CFAP69: variants seen among roughly 807,000 people sequenced by gnomAD.
The protein encoded by CFAP69 is cilia and flagella associated protein 69.
Under a neutral mutation model 123.0 loss-of-function variants are expected in CFAP69, and 92 were observed. That is an observed-to-expected ratio of 0.75 (90% CI 0.63 to 0.89). The LOEUF is 0.89. CFAP69 is among the 40% of genes least tolerant of loss of function. The probability of loss-of-function intolerance (pLI) is 0.00; values close to 1 mark genes in which losing one functional copy is unlikely to be tolerated. For synonymous variants in CFAP69, 380 were observed against 364.3 expected, an observed-to-expected ratio of 1.04 and a Z score of -0.49; for missense variants, 1,067 against 1,096.9, an observed-to-expected ratio of 0.97 and a Z score of 0.39.
intron 1 of CFAP69, among the ~76,000 whole-genome samples, chr7:90,249,916 T>G (rs1018728340): frequency 6.6e-6 from 1 of 152,178 alleles, no homozygotes; most frequent in Non-Finnish European, 1.5e-5. Context: ...ACTTCCTTGC[T>G]CAAATTTGCT....
chr7:90,250,055 A>T (rs2116538726), intron 1 of CFAP69, among the ~76,000 whole-genome samples: 1 of 152,272 alleles, frequency 6.6e-6, no homozygotes, highest in South Asian at 2.1e-4. Flanking sequence ...TTTTGCAAGA[A>T]ATAACCTCTG....
chr7:90,319,280 GA>G, the CFAP69 span: 3 of 397,586 alleles, frequency 7.5e-6, no homozygotes, highest in Non-Finnish European at 8.9e-6. Flanking sequence ...TGGATAACTT[GA>G]AAAAAATCAG....
At chr7:90,260,712 A>G (rs1798205285) in intron 3 of CFAP69, among the ~76,000 whole-genome samples, 1 of 152,048 alleles carries the variant, frequency 6.6e-6, no homozygotes, top group Admixed American at 6.5e-5. Context: ...ATCAAGCCCT[A>G]TTTACTGGTA....
the CFAP69 span, chr7:90,319,067 G>T: frequency 3.9e-6 from 1 of 254,880 alleles, no homozygotes; most frequent in Non-Finnish European, 7.3e-6. Context: ...ATAATTACAG[G>T]GTTAAATGGC....
intron 6 of CFAP69, chr7:90,269,039 A>G (rs1008127132): frequency 2.6e-5 from 4 of 151,970 alleles, no homozygotes. Context: ...AAGATTATTT[A>G]AGACTAAGGA....
chr7:90,252,261 A>T (rs1159941264), intron 1 of CFAP69, among the ~76,000 whole-genome samples: 3 of 152,082 alleles, frequency 2.0e-5, no homozygotes, highest in African/African-American at 4.8e-5. Flanking sequence ...ATTTACCAAA[A>T]TTTTTTGTAA....
chr7:90,272,577 A>G (rs1385202637), intron 8 of CFAP69, among the ~76,000 whole-genome samples: 1 of 152,166 alleles, frequency 6.6e-6, no homozygotes, highest in African/African-American at 2.4e-5. Flanking sequence ...AAGTGACTAA[A>G]AACCCAAATG....
chr7:90,305,805 C>A lies in CFAP69; in HGVS notation c.2265+985C>A, dbSNP rs746095361. Reference sequence around the variant, plus strand: ...GATTAAAAGATAGTAGGTTACTTACCTTGCTAGTTATATTTGTCAGTAAAT... The same window carrying A: ...GATTAAAAGATAGTAGGTTACTTACATTGCTAGTTATATTTGTCAGTAAAT... On this transcript the variant is annotated intron_variant, in intron 19 of 22. Coordinates refer to ENST00000389297, the MANE Select transcript of CFAP69 (RefSeq NM_001039706.3). Among the ~76,000 whole-genome samples the A allele has an allele frequency of 6.4e-4, 97 of 151,412 alleles. 1 individual carries two copies. The highest frequency in any genetic ancestry group is 4.2e-4 in the South Asian group (2 of 4,798).
chr7:90,245,213 A>C lies in CFAP69; in HGVS notation c.-212A>C. ...TTGTGTTAACAACCGGCCCGGGATC[A>C]GAGGTCTGGGTCAACTGGGGGGCGG... On this transcript the variant is annotated 5_prime_UTR_variant, in exon 1 of 23. Coordinates refer to ENST00000389297, the MANE Select transcript of CFAP69 (RefSeq NM_001039706.3). 2.0e-6 allele frequency: 1 copy of C among 506,002 alleles called. No individual in the cohort carries two copies. The highest frequency in any genetic ancestry group is 5.0e-5 in the South Asian group (1 of 19,980). The allele number at this position is 506,002 out of a possible 1,614,324, so 31.3% of individuals were successfully genotyped here. A position where few individuals can be genotyped will look rare whatever the true frequency, so the allele number is the denominator to read the frequency against.
intron 1 of CFAP69, among the ~76,000 whole-genome samples, chr7:90,249,711 A>G (rs1796740709): frequency 6.6e-6 from 1 of 152,144 alleles, no homozygotes. Flanking sequence ...CTCAAATTTT[A>G]ATGTGCATAT....
At chr7:90,252,561 T>C (rs11761876) in intron 1 of CFAP69, among the ~76,000 whole-genome samples, 25,231 of 151,940 alleles carry the variant, frequency 0.17, 2,251 homozygotes, top group Middle Eastern at 0.19. Flanking sequence ...TCCCAGCTGC[T>C]CAGGAGGCTG....
rs547279623 is a variant in CFAP69, at chr7:90,305,113, C to T, written c.2265+293C>T. Reference sequence around the variant, plus strand: ...ATCCCAGCACTTTGGGAGGCCAAGGCAGGTGGATAACGAGGTCAGGAGATC... The same window carrying T: ...ATCCCAGCACTTTGGGAGGCCAAGGTAGGTGGATAACGAGGTCAGGAGATC... On this transcript the variant is annotated intron_variant, in intron 19 of 22. Coordinates refer to ENST00000389297, the MANE Select transcript of CFAP69 (RefSeq NM_001039706.3). Among the ~76,000 whole-genome samples, 287 of 152,068 alleles carry T rather than the reference C, an allele frequency of 1.9e-3. 1 individual carries two copies. The highest frequency in any genetic ancestry group is 6.6e-3 in the African/African-American group (272 of 41,520).
intron 17 of CFAP69, 138 bp downstream of exon 17, chr7:90,300,197 T>G: frequency 8.4e-7 from 1 of 1,183,998 alleles, no homozygotes; most frequent in Non-Finnish European, 1.1e-6. Context: ...GTTTGAAAAA[T>G]TTGCTATCCT....
chr7:90,296,248 G>A (rs978084791), intron 15 of CFAP69, among the ~76,000 whole-genome samples: 2 of 152,074 alleles, frequency 1.3e-5, no homozygotes, highest in East Asian at 1.9e-4. Flanking sequence ...TGTCGACAAG[G>A]CCTGTAAATA....
At chr7:90,272,521 G>T (rs1304918443) in intron 8 of CFAP69, among the ~76,000 whole-genome samples, 4 of 152,122 alleles carry the variant, frequency 2.6e-5, no homozygotes, top group African/African-American at 9.7e-5. Context: ...ATTGTAAGAT[G>T]CTACATGTTC....
intron 3 of CFAP69, among the ~76,000 whole-genome samples, chr7:90,260,561 A>G (rs1005347311): frequency 1.6e-4 from 24 of 152,142 alleles, no homozygotes; most frequent in African/African-American, 5.5e-4. Context: ...AAAGTTATCA[A>G]GCTCTAATAT....
chr7:90,277,155 T>C, intron 10 of CFAP69, 34 bp downstream of exon 10: 1 of 1,575,322 alleles, frequency 6.3e-7, no homozygotes, highest in Non-Finnish European at 8.6e-7. Context: ...TTCTTATAAT[T>C]ATCTTGATAA....
At position 90,306,985 on chromosome 7, in the gene CFAP69, G is replaced by A. The variant is rs756888075; in HGVS notation, c.2350G>A (p.Ala784Thr). The part of the protein sequence containing the change: ...PVTTDKKALE[A>T]ITTASENIGK... ...CACTACAGATAAAAAAGCTTTGGAA[G>A]CTATTACAACAGCATCAGAAAATAT... The change falls in exon 20 of 23, where the codon GCT becomes ACT. Residue 784 changes from alanine (A) to threonine (T), a missense_variant. Coordinates refer to ENST00000389297, the MANE Select transcript of CFAP69 (RefSeq NM_001039706.3). 1 of 1,608,478 alleles carries A rather than the reference G, an allele frequency of 6.2e-7. No homozygotes were observed. The highest frequency in any genetic ancestry group is 8.5e-7 in the Non-Finnish European group (1 of 1,175,980).
At chr7:90,266,902 G>C (rs988897088) in intron 5 of CFAP69, among the ~76,000 whole-genome samples, 1 of 152,072 alleles carries the variant, frequency 6.6e-6, no homozygotes, top group Admixed American at 6.6e-5. Context: ...AGATATTTCT[G>C]ACTCAGAGGC....
Sources: allele counts gnomAD v4.1 joint callset (sites outside exome capture counted in the v4.1 genomes callset), GRCh38; gene constraint gnomAD v4.1.1; transcripts MANE v1.5; gene names NCBI Gene and HGNC (gene_info 2026-07-23, HGNC 2026-07-21).